The following CATSPERD variants were observed in gnomAD, a reference collection of about 807,000 sequenced individuals.
CATSPERD encodes the protein cation channel sperm-associated auxiliary subunit delta.
CATSPERD carries 86 observed loss-of-function variants against 98.1 expected under a neutral mutation model. That is an observed-to-expected ratio of 0.88 (90% CI 0.74 to 1.05). The LOEUF is 1.05. Ranked by LOEUF, CATSPERD falls within the 50% of genes least tolerant of loss-of-function variation. CATSPERD has a pLI of 0.00. For missense variants in CATSPERD, 995 were observed against 1,005.7 expected (o/e 0.99, Z 0.14); for synonymous variants, 394 against 390.2 (o/e 1.01, Z -0.12).
chr19:5,767,458 A>G (rs2056562291), intron 17 of CATSPERD, among the ~76,000 whole-genome samples: 1 of 148,862 alleles, frequency 6.7e-6, no homozygotes, highest in African/African-American at 2.5e-5. Context: ...CTGCTCATGC[A>G]TTAGACGCAA....
At chr19:5,753,493 C>T (rs530394837) in intron 12 of CATSPERD, 4 of 237,108 alleles carry the variant, frequency 1.7e-5, no homozygotes, top group South Asian at 1.2e-4. Flanking sequence ...ACCCCGGAGG[C>T]AGAGCTTGCA....
Position 5,776,256 on chromosome 19 carries a change from C to T in CATSPERD, c.2037C>T (p.Ile679=), listed in dbSNP as rs780604084. ...QILGGRTANQ[I]IFGHNGFYVF... ...TGGGCGGCCGGACAGCAAACCAGAT[C>T]ATTTTCGGCCACAATGGCTTTTATG... Residue 679 remains isoleucine (I), a synonymous_variant, in exon 21 of 22, where the codon ATC becomes ATT. Coordinates refer to ENST00000381624, the MANE Select transcript of CATSPERD (RefSeq NM_152784.4). 1.2e-6 allele frequency: 2 copies of T among 1,614,236 alleles called. No individual in the cohort carries two copies. The highest frequency in any genetic ancestry group is 3.3e-5 in the Admixed American group (2 of 60,022).
chr19:5,763,105 TGGATGGATGGATGCAC>T (rs1372272927), intron 15 of CATSPERD, 94 bp from the exon 16 acceptor site: 22 of 736,364 alleles, frequency 3.0e-5, no homozygotes, highest in Non-Finnish European at 4.7e-5. Context: ...ATGGATGAGA[TGGATGGATGGATGCAC>T]GGATGACTGA....
At chr19:5,748,674 G>T (rs1188357979) in intron 10 of CATSPERD, among the ~76,000 whole-genome samples, 7 of 144,592 alleles carry the variant, frequency 4.8e-5, no homozygotes, top group African/African-American at 1.8e-4. Context: ...CATATTGCTT[G>T]GCATTTCCAC....
chr19:5,731,114 C>T (rs1179459111), intron 4 of CATSPERD, among the ~76,000 whole-genome samples: 1 of 151,698 alleles, frequency 6.6e-6, no homozygotes, highest in Non-Finnish European at 1.5e-5. Context: ...AAAAAGAGCC[C>T]CCCAAATTGT....
rs117868247 is a variant in CATSPERD, at chr19:5,753,595, G to A, written c.1165-537G>A. 5.4e-4 allele frequency: 220 copies of A among 404,090 alleles called. 1 individual carries two copies. In the East Asian group the frequency reaches 0.014, roughly 26 times the overall value. 25.0% of individuals were successfully genotyped at this position (404,090 alleles called of 1,614,324 possible). On this transcript the variant is annotated intron_variant, in intron 12 of 21. Coordinates refer to ENST00000381624, the MANE Select transcript of CATSPERD (RefSeq NM_152784.4). Reference sequence around the variant, plus strand: ...AAAAAGAAACAGAAAGAGGTCAGGCGCAGTGGCTCACAACTGTAACCTCAA... The same window carrying A: ...AAAAAGAAACAGAAAGAGGTCAGGCACAGTGGCTCACAACTGTAACCTCAA...
intron 9 of CATSPERD, among the ~76,000 whole-genome samples, chr19:5,747,034 T>C (rs1055193734): frequency 1.3e-5 from 2 of 151,792 alleles, no homozygotes; most frequent in Admixed American, 1.3e-4. Context: ...TTGTAGAGAC[T>C]GGGTCCTCCT....
At chr19:5,724,607 G>A (rs2055568026) in intron 1 of CATSPERD, among the ~76,000 whole-genome samples, 1 of 152,176 alleles carries the variant, frequency 6.6e-6, no homozygotes, top group Admixed American at 6.6e-5. Context: ...GCTGAGGCAG[G>A]AGAAACACTT....
chr19:5,759,398 C>A (rs1350475515), intron 15 of CATSPERD, among the ~76,000 whole-genome samples: 1 of 151,218 alleles, frequency 6.6e-6, no homozygotes, highest in Non-Finnish European at 1.5e-5. Flanking sequence ...CCCGTCTCTA[C>A]TAAAAAATAA....
chr19:5,746,490 G>A (rs2056096756), intron 9 of CATSPERD, among the ~76,000 whole-genome samples: 1 of 151,910 alleles, frequency 6.6e-6, no homozygotes, highest in East Asian at 1.9e-4. Context: ...GTGCAGTGGC[G>A]CGATCTTGGC....
At position 5,748,246 on chromosome 19, in the gene CATSPERD, A is replaced by G. The variant is rs139627891; in HGVS notation, c.895A>G (p.Ile299Val). ...IFEAKITIHN[I>V]AVTENELAVI... ...TGAAGCCAAGATCACCATCCACAAC[A>G]TTGCTGTCAGTGCGTAGCCGACCCA... Residue 299 changes from isoleucine (I) to valine (V), a missense_variant, in exon 10 of 22, where the codon ATT (isoleucine) becomes GTT (valine). Physicochemically the swap from Ile to Val is conservative, Grantham distance 29. Coordinates refer to ENST00000381624, the MANE Select transcript of CATSPERD (RefSeq NM_152784.4). The G allele has an allele frequency of 0.012, 18,963 of 1,613,686 alleles. 142 individuals are homozygous for G. Among genetic ancestry groups the G allele is most frequent in the Non-Finnish European group, 0.014 (16,716 of 1,179,666 alleles).
intron 4 of CATSPERD, among the ~76,000 whole-genome samples, chr19:5,731,558 C>A (rs2055718089): frequency 7.1e-5 from 6 of 84,972 alleles, no homozygotes; most frequent in African/African-American, 1.3e-4. Context: ...CGACACTTAA[C>A]AGTTTTTTTT....
In CATSPERD at chr19:5,739,309, C is replaced by CT. The variant is rs376258601; in HGVS notation, c.460-5dup. On this transcript the variant is annotated splice_polypyrimidine_tract_variant and intron_variant, in intron 6 of 21. Transcript: ENST00000381624. Reference sequence around the variant, plus strand: ...GGCATCTTTCTTTCATTCTTTCTTTCTTTTTTTTTTTTATAGCATGTCAGT... The same window carrying CT: ...GGCATCTTTCTTTCATTCTTTCTTTCTTTTTTTTTTTTTATAGCATGTCAGT... 0.042 allele frequency: 42,449 copies of CT among 1,014,630 alleles called. 110 individuals carry two copies. The highest frequency in any genetic ancestry group is 0.086 in the African/African-American group (5,153 of 59,682). The allele number at this position is 1,014,630 out of a possible 1,614,324, so 62.9% of individuals were successfully genotyped here.
intron 21 of CATSPERD, among the ~76,000 whole-genome samples, chr19:5,777,747 C>T (rs984961691): frequency 7.9e-5 from 12 of 151,762 alleles, no homozygotes; most frequent in African/African-American, 9.7e-5. Flanking sequence ...TGATGGTGGG[C>T]GCCTGTAATC....
intron 20 of CATSPERD, 97 bp from the exon 21 acceptor site, chr19:5,776,064 G>C: frequency 7.4e-7 from 1 of 1,342,324 alleles, no homozygotes; most frequent in Non-Finnish European, 1.0e-6. Flanking sequence ...TGCCTAATGA[G>C]GACTGGGGTG....
chr19:5,741,585 G>A (rs1325212808), intron 7 of CATSPERD, among the ~76,000 whole-genome samples: 2 of 151,858 alleles, frequency 1.3e-5, no homozygotes, highest in African/African-American at 2.4e-5. Context: ...ATAGTACATT[G>A]GGGATTTCAG....
At position 5,733,746 on chromosome 19, in the gene CATSPERD, G is replaced by A. The variant is rs929977858; in HGVS notation, c.277-110G>A. On this transcript the variant is annotated intron_variant, in intron 4 of 21. Coordinates refer to ENST00000381624, the MANE Select transcript of CATSPERD (RefSeq NM_152784.4). ...GCTGGGATTACAAGCGAGGGCCACC[G>A]CGCCCGTCCATACATTTTTTTTTTT... 3.0e-5 allele frequency: 22 copies of A among 737,804 alleles called. No homozygotes were observed. The East Asian group carries it at 3.9e-4, about 13-fold the overall frequency. The allele number at this position is 737,804 out of a possible 1,614,324, so 45.7% of individuals were successfully genotyped here.
intron 4 of CATSPERD, among the ~76,000 whole-genome samples, chr19:5,731,680 A>C (rs892304479): frequency 6.0e-5 from 8 of 134,226 alleles, no homozygotes; most frequent in African/African-American, 1.7e-4. Context: ...GGTTCACGCC[A>C]TTCTCCTGCC....
chr19:5,727,974 G>A (rs183762431), intron 3 of CATSPERD, among the ~76,000 whole-genome samples: 8 of 150,374 alleles, frequency 5.3e-5, no homozygotes, highest in African/African-American at 1.5e-4. Context: ...GAGGATCGCT[G>A]GAGGATCGCT....
Sources: allele counts gnomAD v4.1 joint callset (sites outside exome capture counted in the v4.1 genomes callset), GRCh38; gene constraint gnomAD v4.1.1; transcripts MANE v1.5; gene names NCBI Gene and HGNC (gene_info 2026-07-23, HGNC 2026-07-21).